Variants in CTNNA2 observed in about 807,000 individuals in gnomAD.
CTNNA2 encodes catenin alpha-2.
Under a neutral mutation model 101.0 loss-of-function variants are expected in CTNNA2, and 42 were observed. The ratio of observed to expected loss-of-function variants is 0.42; its 90% CI spans 0.32 to 0.54. CTNNA2 has a LOEUF of 0.54. Among genes scored for constraint, CTNNA2 ranks in the 20% least tolerant of loss-of-function variants. CTNNA2 has a pLI of 0.14. For synonymous variants in CTNNA2, 450 were observed against 456.4 expected (o/e 0.99, Z 0.18); for missense variants, 871 against 1,223.1 (o/e 0.71, Z 4.29).
rs534646054 is a variant in CTNNA2, at chr2:80,478,596, A to C, written c.1290+58995A>C. On this transcript the variant is annotated intron_variant, in intron 9 of 18. Transcript: ENST00000402739. Reference sequence around the variant, plus strand: ...GTGACAGATTCTTTTCCATGTGGCTATCCAGTTATTTTCCCAGCACTATTT... The same window carrying C: ...GTGACAGATTCTTTTCCATGTGGCTCTCCAGTTATTTTCCCAGCACTATTT... Among the ~76,000 whole-genome samples the C allele has an allele frequency of 1.3e-4, 20 of 152,144 alleles. No individual in the cohort carries two copies. The South Asian group carries it at 2.3e-3, about 17-fold the overall frequency.
chr2:79,782,532 T>C (rs2861908), intron 3 of CTNNA2, among the ~76,000 whole-genome samples: 40,084 of 152,164 alleles, frequency 0.26, 5,749 homozygotes, highest in South Asian at 0.41. Context: ...CCACCGCACC[T>C]GGCCTGCTTG....
At chr2:80,319,410 G>T (rs933158874) in intron 7 of CTNNA2, among the ~76,000 whole-genome samples, 1 of 152,068 alleles carries the variant, frequency 6.6e-6, no homozygotes, top group East Asian at 1.9e-4. Context: ...GACCCAAACA[G>T]GATTTGTTTC....
At chr2:80,617,667 A>G (rs1369049652) in intron 17 of CTNNA2, among the ~76,000 whole-genome samples, 1 of 151,700 alleles carries the variant, frequency 6.6e-6, no homozygotes, top group Non-Finnish European at 1.5e-5. Context: ...TGCCAAATCC[A>G]TAATCAGTTT....
rs1340269408 is a variant in CTNNA2 at position 79,777,155 on chromosome 2, G to A, written c.298+32573G>A. 3 of 152,276 alleles carry A rather than the reference G, an allele frequency of 2.0e-5. No individual in the cohort carries two copies. In the East Asian group the frequency reaches 5.8e-4, roughly 29 times the overall value. 9.4% of individuals were successfully genotyped at this position (152,276 alleles called of 1,614,324 possible). On this transcript the variant is annotated intron_variant, in intron 3 of 18. Coordinates refer to ENST00000402739, the MANE Select transcript of CTNNA2 (RefSeq NM_001282597.3). ...AGAGAAGGAAATTTATCTTAAGCTT[G>A]AGTAGGGTTCATGGGAATCTAAAAA...
chr2:80,443,467 C>T (rs1682773763), intron 9 of CTNNA2, among the ~76,000 whole-genome samples: 1 of 152,166 alleles, frequency 6.6e-6, no homozygotes, highest in Admixed American at 6.5e-5. Flanking sequence ...TCTGCTTTTA[C>T]CATTTAACAT....
intron 2 of CTNNA2, among the ~76,000 whole-genome samples, chr2:79,277,899 A>G (rs925870629): frequency 1.8e-4 from 27 of 152,164 alleles, no homozygotes; most frequent in African/African-American, 6.5e-4. Flanking sequence ...CTGTGCTCCA[A>G]AGCCCTCTAG....
intron 4 of CTNNA2, among the ~76,000 whole-genome samples, chr2:79,394,325 T>C (rs948717763): frequency 6.6e-5 from 10 of 152,358 alleles, no homozygotes; most frequent in Admixed American, 5.9e-4. Flanking sequence ...TTAGACTGTA[T>C]ATTGCATCAG....
chr2:80,597,419 G>A (rs1429186783), intron 15 of CTNNA2, among the ~76,000 whole-genome samples: 5 of 152,158 alleles, frequency 3.3e-5, no homozygotes, highest in Non-Finnish European at 7.3e-5. Flanking sequence ...CGTGGGCAAA[G>A]ACTTCATGAC....
At chr2:79,476,250 C>G (rs1011007776) in intron 4 of CTNNA2, among the ~76,000 whole-genome samples, 1 of 152,110 alleles carries the variant, frequency 6.6e-6, no homozygotes, top group African/African-American at 2.4e-5. Flanking sequence ...AGAAGCTCAG[C>G]TCTTTAGGAA....
At chr2:79,884,645 G>C (rs1384167524) in intron 6 of CTNNA2, among the ~76,000 whole-genome samples, 2 of 151,806 alleles carry the variant, frequency 1.3e-5, no homozygotes, top group Non-Finnish European at 2.9e-5. Context: ...TGTTACCCTG[G>C]TATAGCAACT....
intron 4 of CTNNA2, among the ~76,000 whole-genome samples, chr2:79,490,270 G>C (rs905706694): frequency 8.5e-5 from 13 of 152,132 alleles, no homozygotes; most frequent in African/African-American, 2.9e-4. Flanking sequence ...CTTTGGCCCT[G>C]TGCCTTCAAA....
intron 3 of CTNNA2, among the ~76,000 whole-genome samples, chr2:79,812,979 G>C (rs1558951238): frequency 6.6e-6 from 1 of 152,112 alleles, no homozygotes; most frequent in Admixed American, 6.6e-5. Context: ...CAACTTCACA[G>C]GTGCCCATAG....
At chr2:79,544,727 A>C (rs1417346617) in intron 1 of CTNNA2, among the ~76,000 whole-genome samples, 1 of 152,172 alleles carries the variant, frequency 6.6e-6, no homozygotes, top group Non-Finnish European at 1.5e-5. Context: ...CTTAAATTCT[A>C]GGAGTTACCC....
chr2:80,178,674 G>A (rs750411881), intron 7 of CTNNA2, among the ~76,000 whole-genome samples: 2 of 152,190 alleles, frequency 1.3e-5, no homozygotes, highest in Non-Finnish European at 2.9e-5. Flanking sequence ...ATGGGCCAGA[G>A]TAATACACCC....
intron 3 of CTNNA2, among the ~76,000 whole-genome samples, chr2:79,827,876 A>C (rs1678569140): frequency 6.6e-6 from 1 of 152,218 alleles, no homozygotes; most frequent in Non-Finnish European, 1.5e-5. Context: ...TCCACAATGG[A>C]GTTATGTCAA....
intron 4 of CTNNA2, among the ~76,000 whole-genome samples, chr2:79,389,758 A>G (rs1465173262): frequency 6.6e-6 from 1 of 152,202 alleles, no homozygotes. Flanking sequence ...CTAACATTAC[A>G]TCACGGTTCA....
intron 2 of CTNNA2, among the ~76,000 whole-genome samples, chr2:79,732,248 A>G (rs1687246105): frequency 5.9e-5 from 9 of 152,210 alleles, no homozygotes; most frequent in Admixed American, 5.2e-4. Context: ...AGAGATGCCA[A>G]CAAGTGGCAA....
chr2:80,439,862 G>A (rs1295498184), intron 9 of CTNNA2, among the ~76,000 whole-genome samples: 1 of 152,180 alleles, frequency 6.6e-6, no homozygotes, highest in Non-Finnish European at 1.5e-5. Flanking sequence ...ACAGACATGA[G>A]TCTAGAGTCC....
intron 4 of CTNNA2, among the ~76,000 whole-genome samples, chr2:79,439,597 A>G (rs1474940347): frequency 1.3e-5 from 2 of 152,184 alleles, no homozygotes; most frequent in Non-Finnish European, 2.9e-5. Flanking sequence ...TAAAATTTTT[A>G]TTTAAAAGGA....
Sources: allele counts gnomAD v4.1 joint callset (sites outside exome capture counted in the v4.1 genomes callset), GRCh38; gene constraint gnomAD v4.1.1; transcripts MANE v1.5; gene names NCBI Gene and HGNC (gene_info 2026-07-23, HGNC 2026-07-21).